The following EGFL7 variants were observed in gnomAD, a reference collection of about 807,000 sequenced individuals.
EGFL7 encodes the protein EGF like domain multiple 7.
EGFL7 carries 48 observed loss-of-function variants against 37.1 expected under a neutral mutation model. The ratio of observed to expected loss-of-function variants is 1.29; its 90% confidence interval spans 1.03 to 1.65. The LOEUF is 1.65. Among genes scored for constraint, EGFL7 ranks in the 40% most tolerant of loss-of-function variants. EGFL7 has a pLI of 0.00. For synonymous variants in EGFL7, 180 were observed against 156.8 expected (o/e 1.15, Z -1.10); for missense variants, 384 against 378.9 (o/e 1.01, Z -0.11).
At chr9:136,671,895 G>C (rs1019266908) in intron 9 of EGFL7, 31 bp from the exon 10 acceptor site, 10 of 1,467,742 alleles carry the variant, frequency 6.8e-6, no homozygotes, top group Non-Finnish European at 9.0e-6. Flanking sequence ...GCGGGGGCCG[G>C]CCCAGGGTCA....
chr9:136,660,082 G>A (rs1329833690), upstream of EGFL7, among the ~76,000 whole-genome samples: 1 of 152,198 alleles, frequency 6.6e-6, no homozygotes, highest in East Asian at 1.9e-4. Context: ...GGCAGGGAAG[G>A]GGGCACCTCC....
chr9:136,668,474 G>A, intron 4 of EGFL7, 83 bp from the exon 5 acceptor site: 1 of 1,538,896 alleles, frequency 6.5e-7, no homozygotes, highest in Non-Finnish European at 8.9e-7. Context: ...CTCCTGCTGA[G>A]GGTCCTGCCC....
intron 3 of EGFL7, 115 bp from the exon 4 acceptor site, chr9:136,668,126 C>CCGGTGGGACAGCCCCA: frequency 3.2e-6 from 2 of 617,286 alleles, no homozygotes; most frequent in Non-Finnish European, 5.6e-6. Flanking sequence ...GGCTGTCCCA[C>CCGGTGGGACAGCCCCA]CGGTGGAGGC....
rs368256737 is a variant in EGFL7, at chr9:136,665,349, C to T, written c.-43+564C>T. ...GCTGCAGGACCCAGCTCAGTGCTAA[C>T]CTGCGCCGGGCGCCTACCGCGCGGC... is the stretch of plus-strand genomic sequence containing the variant. On this transcript the variant is annotated intron_variant, in intron 3 of 10. Coordinates refer to ENST00000308874, the MANE Select transcript of EGFL7 (RefSeq NM_016215.5). 3.5e-4 allele frequency among the ~76,000 whole-genome samples: 53 copies of T among 152,380 alleles called. 1 individual carries two copies. The South Asian group carries it at 0.01, about 29-fold the overall frequency.
At chr9:136,670,458 G>T in intron 8 of EGFL7, 128 bp downstream of exon 8, 1 of 1,156,956 alleles carries the variant, frequency 8.6e-7, no homozygotes, top group African/African-American at 1.5e-5. Context: ...TCTCCAGGGA[G>T]GGAGGATGGG....
chr9:136,669,820 A>C (rs1588243110), intron 6 of EGFL7, 94 bp from the exon 7 acceptor site: 1 of 1,442,880 alleles, frequency 6.9e-7, no homozygotes, highest in Non-Finnish European at 9.4e-7. Context: ...CGAGCAAAGC[A>C]CCACCTTGCC....
intron 3 of EGFL7, 31 bp from the exon 4 acceptor site, chr9:136,668,210 G>A (rs1467513196): frequency 2.2e-6 from 3 of 1,357,126 alleles, no homozygotes; most frequent in African/African-American, 2.9e-5. Flanking sequence ...GCATCTGCGG[G>A]GAGACTTAGG....
At chr9:136,664,390 C>A (rs959595788) in intron 2 of EGFL7, among the ~76,000 whole-genome samples, 1 of 152,206 alleles carries the variant, frequency 6.6e-6, no homozygotes, top group Non-Finnish European at 1.5e-5. Context: ...TGCCCAGCAC[C>A]CTGGGTTACA....
upstream of EGFL7, among the ~76,000 whole-genome samples, chr9:136,661,186 G>A (rs900709107): frequency 5.9e-5 from 9 of 152,164 alleles, 1 homozygote; most frequent in Admixed American, 3.9e-4. Flanking sequence ...AGGGGCGAGG[G>A]CAGAGTCTGG....
Position 136,669,634 on chromosome 9 carries a change from A to G in EGFL7, c.226A>G (p.Ser76Gly), listed in dbSNP as rs765790874. 88 of 1,611,374 alleles carry G rather than the reference A, an allele frequency of 5.5e-5. No homozygotes were observed. Among genetic ancestry groups the G allele is most frequent in the South Asian group, 2.3e-4 (21 of 90,830 alleles). ...CATCTATAGGACCGCCTACCGCCGC[A>G]GCCCTGGGCTGGCCCCTGCCAGGCC... ...RTIYRTAYRR[S>G]PGLAPARPRY... is the part of the protein sequence containing the mutation. Residue 76 changes from serine (S) to glycine (G), a missense_variant, in exon 6 of 11, where the codon AGC (serine) becomes GGC (glycine). Ser to Gly is a moderately conservative substitution (Grantham distance 56, BLOSUM62 0). Transcript: ENST00000308874.
At chr9:136,668,797 A>G (rs1381134224) in intron 5 of EGFL7, 124 bp downstream of exon 5, 1 of 911,354 alleles carries the variant, frequency 1.1e-6, no homozygotes, top group Non-Finnish European at 1.7e-6. Flanking sequence ...GGCCAGAGCC[A>G]TGAGAGGGCT....
Position 136,672,450 on chromosome 9 carries a change from G to C in EGFL7, c.*164G>C, listed in dbSNP as rs1845983785. 8.4e-5 allele frequency: 69 copies of C among 816,876 alleles called. 1 individual carries two copies. In the South Asian group the frequency reaches 1.1e-3, roughly 13 times the overall value. The allele number at this position is 816,876 out of a possible 1,614,324, so 50.6% of individuals were successfully genotyped here. A position where few individuals can be genotyped will look rare whatever the true frequency, so the allele number is the denominator to read the frequency against. On this transcript the variant is annotated 3_prime_UTR_variant, in exon 11 of 11. Coordinates refer to ENST00000308874, the MANE Select transcript of EGFL7 (RefSeq NM_016215.5). Reference sequence around the variant, plus strand: ...CTCCCCTTCCTCGGGAGGCTCCCCAGACCCTGGCATGGGATGGGCTGGGAT... The same window carrying C: ...CTCCCCTTCCTCGGGAGGCTCCCCACACCCTGGCATGGGATGGGCTGGGAT...
At chr9:136,668,756 G>C in intron 5 of EGFL7, 83 bp downstream of exon 5, 1 of 1,206,242 alleles carries the variant, frequency 8.3e-7, no homozygotes, top group South Asian at 1.3e-5. Flanking sequence ...CGAGGCGGGG[G>C]TGAATCCTGG....
chr9:136,672,212 G>C, intron 10 of EGFL7, 52 bp from the exon 11 acceptor site: 1 of 1,612,816 alleles, frequency 6.2e-7, no homozygotes, highest in Non-Finnish European at 8.5e-7. Context: ...CTAGCTGGGC[G>C]GGGAGGCTGT....
chr9:136,670,937 G>A lies in EGFL7; in HGVS notation c.572-13G>A. Reference sequence around the variant, plus strand: ...CCGGCCGGCCGTGACCCAGCGCCTGGCTCTGCCCGCAGGAGTGGACAGTGC... The same window carrying A: ...CCGGCCGGCCGTGACCCAGCGCCTGACTCTGCCCGCAGGAGTGGACAGTGC... On this transcript the variant is annotated splice_polypyrimidine_tract_variant and intron_variant, in intron 8 of 10. Transcript: ENST00000308874. 6.4e-7 allele frequency: 1 copy of A among 1,554,170 alleles called. No homozygotes were observed. Among genetic ancestry groups the A allele is most frequent in the Non-Finnish European group, 8.7e-7 (1 of 1,149,636 alleles).
Position 136,672,492 on chromosome 9 carries a change from C to CCCCTGGCTACCCCCA in EGFL7, c.*220_*234dup, listed in dbSNP as rs980845601. ...GGCTGGGATCTTCTCTGTGAATCCA[C>CCCCTGGCTACCCCCA]CCCTGGCTACCCCCACCCTGGCTAC... is the stretch of plus-strand genomic sequence containing the variant. On this transcript the variant is annotated 3_prime_UTR_variant, in exon 11 of 11. Coordinates refer to ENST00000308874, the MANE Select transcript of EGFL7 (RefSeq NM_016215.5). 682 of 639,040 alleles carry CCCCTGGCTACCCCCA rather than the reference C, an allele frequency of 1.1e-3. 1 individual carries two copies. The highest frequency in any genetic ancestry group is 7.0e-3 in the East Asian group (255 of 36,448). The allele number at this position is 639,040 out of a possible 1,614,324, so 39.6% of individuals were successfully genotyped here. A position where few individuals can be genotyped will look rare whatever the true frequency, so the allele number is the denominator to read the frequency against.
upstream of EGFL7, among the ~76,000 whole-genome samples, chr9:136,661,540 C>T (rs13297806): frequency 0.11 from 17,326 of 152,250 alleles, 1,332 homozygotes; most frequent in Non-Finnish European, 0.17. Context: ...GTGCCAGGAG[C>T]GCCCCCTTAA....
At chr9:136,660,367 G>A (rs1346161230), upstream of EGFL7, 1 of 152,364 alleles carries the variant, frequency 6.6e-6, no homozygotes, top group African/African-American at 2.4e-5. Context: ...TGCCCCTCCT[G>A]TGGTGGCTCC....
rs1845619740 is a variant in EGFL7, at chr9:136,668,466, CCTG to C, written c.81-87_81-85del. ...ACCTGTCGGGGACTCCCTGGGGGCTCCTGCTGAGGGTCCTGCCCCGGCCACATG... is the reference window on the plus strand; with the variant it reads ...ACCTGTCGGGGACTCCCTGGGGGCTCCTGAGGGTCCTGCCCCGGCCACATG... On this transcript the variant is annotated intron_variant, in intron 4 of 10. Transcript: ENST00000308874. 14 of 1,526,370 alleles carry C rather than the reference CCTG, an allele frequency of 9.2e-6. No individual in the cohort carries two copies. In the Middle Eastern group the frequency reaches 1.9e-3, roughly 209 times the overall value. The allele number at this position is 1,526,370 out of a possible 1,614,324, so 94.6% of individuals were successfully genotyped here.
Sources: allele counts gnomAD v4.1 joint callset (sites outside exome capture counted in the v4.1 genomes callset), GRCh38; gene constraint gnomAD v4.1.1; transcripts MANE v1.5; gene names NCBI Gene and HGNC (gene_info 2026-07-23, HGNC 2026-07-21).